TAF2: variants seen among roughly 807,000 people sequenced by gnomAD.
The protein encoded by TAF2 is transcription initiation factor TFIID subunit 2.
In TAF2, 61 loss-of-function variants were observed where a neutral mutation model predicts 138.5. The ratio of observed to expected loss-of-function variants is 0.44; its 90% CI spans 0.36 to 0.54. The LOEUF is 0.54. Ranked by LOEUF, TAF2 falls within the 20% of genes least tolerant of loss-of-function variation. The pLI, the probability that TAF2 is intolerant of heterozygous loss-of-function variation, is 0.00. For missense variants in TAF2, 1,090 were observed against 1,427.9 expected, an observed-to-expected ratio of 0.76 and a Z score of 3.81; for synonymous variants, 475 against 469.9, an observed-to-expected ratio of 1.01 and a Z score of -0.14.
chr8:119,812,816 C>T (rs1825186147), intron 3 of TAF2, among the ~76,000 whole-genome samples: 1 of 52 alleles, frequency 0.019, no homozygotes, highest in African/African-American at 0.12. Context: ...ATACACCACA[C>T]ATACACACCA....
At chr8:119,792,397 C>T (rs990928145) in intron 10 of TAF2, among the ~76,000 whole-genome samples, 2 of 152,084 alleles carry the variant, frequency 1.3e-5, no homozygotes, top group African/African-American at 4.8e-5. Flanking sequence ...GGTGATCCAC[C>T]TGCCCAGCGT....
intron 24 of TAF2, among the ~76,000 whole-genome samples, chr8:119,743,425 A>G (rs1370403616): frequency 1.3e-5 from 2 of 152,136 alleles, no homozygotes; most frequent in Non-Finnish European, 2.9e-5. Context: ...AGGCAGTAGA[A>G]CAGGACCAGG....
intron 18 of TAF2, among the ~76,000 whole-genome samples, chr8:119,772,798 G>A (rs562677270): frequency 8.6e-5 from 13 of 151,702 alleles, no homozygotes; most frequent in African/African-American, 2.2e-4. Context: ...TTAGCTGGGC[G>A]TGGTGGCAGA....
intron 3 of TAF2, among the ~76,000 whole-genome samples, chr8:119,818,110 A>G (rs917237605): frequency 6.6e-6 from 1 of 152,248 alleles, no homozygotes; most frequent in Non-Finnish European, 1.5e-5. Flanking sequence ...AAATATGTCT[A>G]AAAATAAGCC....
At chr8:119,770,873 C>T (rs1289874504) in intron 18 of TAF2, among the ~76,000 whole-genome samples, 1 of 152,216 alleles carries the variant, frequency 6.6e-6, no homozygotes, top group African/African-American at 2.4e-5. Flanking sequence ...GAGTTCGAGA[C>T]TAGCCTGGGC....
intron 2 of TAF2, among the ~76,000 whole-genome samples, chr8:119,820,196 A>G (rs1280443964): frequency 6.6e-6 from 1 of 152,228 alleles, no homozygotes; most frequent in Non-Finnish European, 1.5e-5. Context: ...ATCAATGGGA[A>G]AGACGAACAG....
intron 3 of TAF2, among the ~76,000 whole-genome samples, chr8:119,809,393 T>C (rs1035277612): frequency 6.6e-6 from 1 of 152,212 alleles, no homozygotes; most frequent in African/African-American, 2.4e-5. Flanking sequence ...TGATTTTCTA[T>C]CCAGATCTTT....
Position 119,781,039 on chromosome 8 carries a change from A to G in TAF2, c.2253+14T>C. 1 of 1,610,414 alleles carries G rather than the reference A, an allele frequency of 6.2e-7. No homozygotes were observed. Among genetic ancestry groups the G allele is most frequent in the Non-Finnish European group, 8.5e-7 (1 of 1,178,866 alleles). ...TATATAAAAACCATGAGAAAATTAG[A>G]AAGTAAACTGTACCTTCTGTAGAAA... On this transcript the variant is annotated intron_variant, in intron 17 of 25. Coordinates refer to ENST00000378164, the MANE Select transcript of TAF2 (RefSeq NM_003184.4).
Position 119,755,999 on chromosome 8 carries a change from C to G in TAF2, c.2878+7G>C, listed in dbSNP as rs766752752. 7 of 1,587,666 alleles carry G rather than the reference C, an allele frequency of 4.4e-6. No homozygotes were observed. In the South Asian group the frequency reaches 5.5e-5, roughly 13 times the overall value. ...AATAAAAACAATTTAAATCCCTGCT[C>G]TCTCACCAGAATTCATAAGTTTCCA... On this transcript the variant is annotated splice_region_variant and intron_variant, in intron 22 of 25. Transcript: ENST00000378164.
intron 22 of TAF2, among the ~76,000 whole-genome samples, chr8:119,751,406 T>C (rs980419673): frequency 6.6e-6 from 1 of 152,186 alleles, no homozygotes; most frequent in Non-Finnish European, 1.5e-5. Context: ...CTTCAGAACA[T>C]AAGGCTTTTA....
At chr8:119,812,489 C>T (rs1825141770) in intron 3 of TAF2, among the ~76,000 whole-genome samples, 1 of 152,156 alleles carries the variant, frequency 6.6e-6, no homozygotes, top group Non-Finnish European at 1.5e-5. Flanking sequence ...CTCCCCGCTT[C>T]TGAGTCTCCA....
intron 22 of TAF2, among the ~76,000 whole-genome samples, chr8:119,747,248 C>T (rs1820042654): frequency 6.6e-6 from 1 of 152,248 alleles, no homozygotes; most frequent in African/African-American, 2.4e-5. Context: ...CTTTGCATTC[C>T]CTATCATGGA....
chr8:119,818,911 G>A (rs1825657003), intron 3 of TAF2, among the ~76,000 whole-genome samples: 1 of 152,042 alleles, frequency 6.6e-6, no homozygotes, highest in African/African-American at 2.4e-5. Flanking sequence ...GACCTAATAT[G>A]TTTATAAGAT....
At chr8:119,802,061 A>T in intron 5 of TAF2, 36 bp from the exon 6 acceptor site, 3 of 1,520,514 alleles carry the variant, frequency 2.0e-6, no homozygotes, top group South Asian at 1.1e-5. Flanking sequence ...AAATGTATTC[A>T]AAGAGTTCTC....
At chr8:119,745,397 CTTT>C (rs1267989678) in intron 23 of TAF2, among the ~76,000 whole-genome samples, 1 of 150,266 alleles carries the variant, frequency 6.7e-6, no homozygotes, top group Non-Finnish European at 1.5e-5. Flanking sequence ...TAATGAGACT[CTTT>C]TTTTTCTATG....
chr8:119,817,702 C>T (rs972236972), intron 3 of TAF2, among the ~76,000 whole-genome samples: 2 of 152,192 alleles, frequency 1.3e-5, no homozygotes, highest in African/African-American at 4.8e-5. Context: ...TGTACAGACA[C>T]TGTCTTTTGT....
intron 25 of TAF2, among the ~76,000 whole-genome samples, chr8:119,733,181 A>C (rs1388845675): frequency 6.6e-6 from 1 of 152,190 alleles, no homozygotes; most frequent in East Asian, 1.9e-4. Context: ...AGAACAACTG[A>C]TATACCCATA....
intron 17 of TAF2, among the ~76,000 whole-genome samples, chr8:119,778,647 C>A (rs1401703639): frequency 2.0e-5 from 3 of 152,184 alleles, no homozygotes; most frequent in African/African-American, 7.2e-5. Context: ...GTGGAGCCAA[C>A]CTTCAGTCTT....
rs1258103163 is a variant in TAF2, at chr8:119,831,738, T to G, written c.84-7A>C. 6.5e-7 allele frequency: 1 copy of G among 1,540,820 alleles called. No individual in the cohort carries two copies. The highest frequency in any genetic ancestry group is 1.3e-5 in the South Asian group (1 of 78,780). ...GCAGACGACCTGATGGGTTGTATAT[T>G]AATAAATATAAAAAGAAAATAAGGA... On this transcript the variant is annotated splice_polypyrimidine_tract_variant and splice_region_variant and intron_variant, in intron 1 of 25. Coordinates refer to ENST00000378164, the MANE Select transcript of TAF2 (RefSeq NM_003184.4).
Sources: gnomAD v4.1 joint callset for allele counts (sites outside exome capture counted in the v4.1 genomes callset) on GRCh38, gnomAD v4.1.1 for gene constraint, MANE v1.5 for transcripts, NCBI Gene and HGNC (gene_info 2026-07-23, HGNC 2026-07-21) for gene names.